Variants in TMPRSS11F observed in about 807,000 individuals in gnomAD.
The protein encoded by TMPRSS11F is transmembrane serine protease 11F, also known as transmembrane protease serine 11F.
Under a neutral mutation model 60.2 loss-of-function variants are expected in TMPRSS11F, and 47 were observed. The observed-to-expected ratio is 0.78, with a 90% CI of 0.62 to 1.00. The LOEUF (loss-of-function observed/expected upper bound fraction) is 1.00. Among genes scored for constraint, TMPRSS11F ranks in the 50% least tolerant of loss-of-function variants. The pLI, the probability that TMPRSS11F is intolerant of heterozygous loss-of-function variation, is 0.00. For missense variants in TMPRSS11F, 519 were observed against 522.9 expected (o/e 0.99, Z 0.07); for synonymous variants, 166 against 167.3 (o/e 0.99, Z 0.06).
intron 3 of TMPRSS11F, 129 bp downstream of exon 3, chr4:68,090,394 A>G (rs1298435707): frequency 2.2e-6 from 3 of 1,342,072 alleles, no homozygotes; most frequent in East Asian, 2.8e-5. Flanking sequence ...TCACAACTGT[A>G]TGACTTACAT....
chr4:68,074,581 G>A (rs969987814), intron 3 of TMPRSS11F, among the ~76,000 whole-genome samples: 1 of 152,192 alleles, frequency 6.6e-6, no homozygotes, highest in Non-Finnish European at 1.5e-5. Flanking sequence ...CTTCTGCCAT[G>A]TGACTCTGAC....
rs530280610 is a variant in TMPRSS11F, at chr4:68,075,256, C to G, written c.283-1247G>C. On this transcript the variant is annotated intron_variant, in intron 3 of 9. Transcript: ENST00000356291. ...TCATTGCTATGGTCTCAAATCAGCT[C>G]CTTAGAAACTTGTATTTGGGCCTTT... Among the ~76,000 whole-genome samples, 252 of 152,270 alleles carry G rather than the reference C, an allele frequency of 1.7e-3. 1 individual carries two copies. Among genetic ancestry groups the G allele is most frequent in the African/African-American group, 5.9e-3 (245 of 41,564 alleles).
At chr4:68,069,834 G>C (rs1001326112) in intron 6 of TMPRSS11F, 135 bp downstream of exon 6, 19 of 569,732 alleles carry the variant, frequency 3.3e-5, no homozygotes, top group Non-Finnish European at 4.8e-5. Flanking sequence ...ATAATAAAAA[G>C]ACTAAGTGTT....
At chr4:68,100,210 C>T (rs561352166) in intron 1 of TMPRSS11F, among the ~76,000 whole-genome samples, 14 of 152,246 alleles carry the variant, frequency 9.2e-5, no homozygotes, top group Non-Finnish European at 1.9e-4. Flanking sequence ...AAGTCTTTCA[C>T]AAGACTGCAA....
At chr4:68,099,276 C>T (rs758495254) in intron 1 of TMPRSS11F, among the ~76,000 whole-genome samples, 1 of 152,172 alleles carries the variant, frequency 6.6e-6, no homozygotes, top group Non-Finnish European at 1.5e-5. Context: ...TATCTTCCCA[C>T]GGCATTTTAT....
chr4:68,059,386 G>C lies in TMPRSS11F; in HGVS notation c.1098C>G (p.Gly366=), dbSNP rs34055246. The C allele has an allele frequency of 4.0e-4, 642 of 1,613,506 alleles. 2 individuals carry two copies. The African/African-American group carries it at 8.1e-3, about 20-fold the overall frequency. The change falls in exon 9 of 10, where the codon GGC becomes GGG. Residue 366 remains glycine, a synonymous_variant. Transcript: ENST00000356291. ...DVCNRKDVYD[G]LITPGMLCAG... ...CACATAACATTCCTGGAGTTATCAG[G>C]CCATCATACACATCCTTTCTGTTAC...
intron 3 of TMPRSS11F, among the ~76,000 whole-genome samples, chr4:68,084,279 A>T (rs766293504): frequency 6.6e-6 from 1 of 152,168 alleles, no homozygotes; most frequent in Non-Finnish European, 1.5e-5. Context: ...CCCCAATCTC[A>T]CTAGAGAAGT....
intron 1 of TMPRSS11F, among the ~76,000 whole-genome samples, chr4:68,110,995 C>A (rs948765798): frequency 6.6e-6 from 1 of 152,128 alleles, no homozygotes; most frequent in Non-Finnish European, 1.5e-5. Context: ...TCAAAATAAA[C>A]AAGGCCATCA....
At chr4:68,079,641 C>T (rs1723652826) in intron 3 of TMPRSS11F, among the ~76,000 whole-genome samples, 1 of 152,026 alleles carries the variant, frequency 6.6e-6, no homozygotes, top group Non-Finnish European at 1.5e-5. Context: ...TTAATGTGAT[C>T]CAAACTACAA....
intron 1 of TMPRSS11F, among the ~76,000 whole-genome samples, chr4:68,103,810 G>A (rs1281516043): frequency 6.6e-6 from 1 of 151,876 alleles, no homozygotes; most frequent in African/African-American, 2.4e-5. Flanking sequence ...TCCATTTATT[G>A]GTATTGTCTT....
chr4:68,092,548 T>C (rs943207881), intron 2 of TMPRSS11F, among the ~76,000 whole-genome samples: 1 of 152,178 alleles, frequency 6.6e-6, no homozygotes, highest in African/African-American at 2.4e-5. Context: ...ACAATTGTTA[T>C]TTCTTTATTT....
intron 2 of TMPRSS11F, 126 bp downstream of exon 2, chr4:68,098,761 A>G: frequency 1.2e-6 from 1 of 868,986 alleles, no homozygotes; most frequent in Non-Finnish European, 1.7e-6. Context: ...CTATAATTTA[A>G]CATCAGTAAA....
At chr4:68,075,728 C>T (rs545543031) in intron 3 of TMPRSS11F, among the ~76,000 whole-genome samples, 1 of 152,230 alleles carries the variant, frequency 6.6e-6, no homozygotes, top group East Asian at 1.9e-4. Context: ...GGTGCGGTGG[C>T]TCACACCTGT....
In TMPRSS11F at chr4:68,083,365, C is replaced by G. The variant is rs139841136; in HGVS notation, c.282+7158G>C. On this transcript the variant is annotated intron_variant, in intron 3 of 9. Transcript: ENST00000356291. ...GGGATGGACCTGGTAAGAGCATCATCTCTCTTCAACGCCACAACCACAGAG... is the reference window on the plus strand; with the variant it reads ...GGGATGGACCTGGTAAGAGCATCATGTCTCTTCAACGCCACAACCACAGAG... Among the ~76,000 whole-genome samples, 601 of 152,276 alleles carry G rather than the reference C, an allele frequency of 3.9e-3. 6 individuals carry two copies. The highest frequency in any genetic ancestry group is 0.014 in the African/African-American group (580 of 41,550).
chr4:68,116,414 T>C (rs995309377), intron 1 of TMPRSS11F, among the ~76,000 whole-genome samples: 3 of 152,046 alleles, frequency 2.0e-5, no homozygotes, highest in African/African-American at 7.2e-5. Context: ...AAAATGCCCA[T>C]ACTACCCAAA....
rs764825059 is a variant in TMPRSS11F, at chr4:68,090,659, CAA to C, written c.164-20_164-19del. 3 of 1,583,068 alleles carry C rather than the reference CAA, an allele frequency of 1.9e-6. No homozygotes were observed. Among genetic ancestry groups the C allele is most frequent in the Non-Finnish European group, 2.6e-6 (3 of 1,163,058 alleles). On this transcript the variant is annotated intron_variant, in intron 2 of 9. Transcript: ENST00000356291. ...CTTATCATCTGAAAGGTAAAACAAACAAAAGTCTCATGGTTAAAGGTAATAAG... is the reference window on the plus strand; with the variant it reads ...CTTATCATCTGAAAGGTAAAACAAACAAGTCTCATGGTTAAAGGTAATAAG...
chr4:68,123,587 C>T (rs1395547188), intron 1 of TMPRSS11F, among the ~76,000 whole-genome samples: 1 of 152,170 alleles, frequency 6.6e-6, no homozygotes, highest in Admixed American at 6.5e-5. Flanking sequence ...CAAGTACCAT[C>T]CAAAGCAACT....
chr4:68,068,913 C>T (rs1263631768), intron 6 of TMPRSS11F, 94 bp from the exon 7 acceptor site: 2 of 1,301,900 alleles, frequency 1.5e-6, no homozygotes, highest in South Asian at 2.6e-5. Flanking sequence ...TTTGTCCCTG[C>T]TACCATGTGA....
Position 68,066,806 on chromosome 4 carries a change from C to T in TMPRSS11F, c.755+1812G>A, listed in dbSNP as rs933287138. Among the ~76,000 whole-genome samples the T allele has an allele frequency of 5.9e-5, 9 of 151,656 alleles. No individual in the cohort carries two copies. In the East Asian group the frequency reaches 1.2e-3, roughly 20 times the overall value. On this transcript the variant is annotated intron_variant, in intron 7 of 9. Coordinates refer to ENST00000356291, the MANE Select transcript of TMPRSS11F (RefSeq NM_207407.2). ...AAAATTAGCTGGGCGCGGTGGCGGG[C>T]GCTTGTAGTCCCAGCTACTCGGGAG...
Sources: gnomAD v4.1 joint callset for allele counts (sites outside exome capture counted in the v4.1 genomes callset) on GRCh38, gnomAD v4.1.1 for gene constraint, MANE v1.5 for transcripts, NCBI Gene and HGNC (gene_info 2026-07-23, HGNC 2026-07-21) for gene names.